Variants in SORCS2 observed in about 807,000 individuals in gnomAD.
The protein encoded by SORCS2 is sortilin related VPS10 domain containing receptor 2, also known as VPS10 domain-containing receptor SorCS2.
In SORCS2, 100 loss-of-function variants were observed where a neutral mutation model predicts 141.6. That is an observed-to-expected ratio of 0.71 (90% confidence interval 0.60 to 0.83). The LOEUF (loss-of-function observed/expected upper bound fraction) is 0.83. Ranked by LOEUF, SORCS2 falls within the 40% of genes least tolerant of loss-of-function variation. The pLI, the probability that SORCS2 is intolerant of heterozygous loss-of-function variation, is 0.00. For missense variants in SORCS2, 1,646 were observed against 1,560.2 expected, an observed-to-expected ratio of 1.05 and a Z score of -0.93; for synonymous variants, 789 against 676.9, an observed-to-expected ratio of 1.17 and a Z score of -2.57.
chr4:7,619,072 G>A (rs568990426), intron 3 of SORCS2, among the ~76,000 whole-genome samples: 2 of 152,276 alleles, frequency 1.3e-5, no homozygotes, highest in Admixed American at 6.5e-5. Flanking sequence ...CAGGTCCTGC[G>A]CCTGTGCTAC....
chr4:7,602,507 C>G (rs2108795284), intron 3 of SORCS2, among the ~76,000 whole-genome samples: 1 of 151,690 alleles, frequency 6.6e-6, no homozygotes, highest in African/African-American at 2.4e-5. Context: ...CTCCCCACAT[C>G]TCAGACGATG....
At position 7,699,295 on chromosome 4, in the gene SORCS2, C is replaced by T. The variant is rs369194581; in HGVS notation, c.1668+2021C>T. Among the ~76,000 whole-genome samples, 4 of 152,102 alleles carry T rather than the reference C, an allele frequency of 2.6e-5. No individual in the cohort carries two copies. In the East Asian group the frequency reaches 7.7e-4, roughly 29 times the overall value. On this transcript the variant is annotated intron_variant, in intron 12 of 26. Coordinates refer to ENST00000507866, the MANE Select transcript of SORCS2 (RefSeq NM_020777.3). ...CAGTGGGGTTTGGAAAACCCTGGAG[C>T]CACCTTTTCCCAGAGCCCCAAGCTA...
intron 3 of SORCS2, among the ~76,000 whole-genome samples, chr4:7,600,394 C>T (rs571611104): frequency 6.6e-5 from 10 of 152,228 alleles, no homozygotes; most frequent in East Asian, 1.9e-4. Context: ...ACATGCCAGG[C>T]GCTTGGCACG....
intron 1 of SORCS2, among the ~76,000 whole-genome samples, chr4:7,391,298 C>T (rs3894743): frequency 0.041 from 6,182 of 152,300 alleles, 271 homozygotes; most frequent in African/African-American, 0.1. Flanking sequence ...AGCCAGCCCC[C>T]TTTCCCCAGA....
At chr4:7,618,541 G>A (rs970244957) in intron 3 of SORCS2, among the ~76,000 whole-genome samples, 1 of 152,136 alleles carries the variant, frequency 6.6e-6, no homozygotes, top group African/African-American at 2.4e-5. Flanking sequence ...CCCCCAGCAC[G>A]TTCTGCTCGC....
intron 3 of SORCS2, among the ~76,000 whole-genome samples, chr4:7,576,576 C>T (rs1715765401): frequency 6.6e-6 from 1 of 152,146 alleles, no homozygotes; most frequent in African/African-American, 2.4e-5. Flanking sequence ...TAGGAGTTGG[C>T]TGGGAAAAGA....
chr4:7,657,003 T>G (rs145324280), intron 5 of SORCS2, among the ~76,000 whole-genome samples: 311 of 152,346 alleles, frequency 2.0e-3, no homozygotes, highest in African/African-American at 7.2e-3. Context: ...AAGCAAGAAG[T>G]CCTGTGTGTC....
At chr4:7,492,740 T>C (rs1197670755) in intron 2 of SORCS2, among the ~76,000 whole-genome samples, 1 of 152,190 alleles carries the variant, frequency 6.6e-6, no homozygotes, top group South Asian at 2.1e-4. Context: ...AAAATGTAAA[T>C]GAATGTTTTA....
rs141245448 is a variant in SORCS2 at position 7,646,543 on chromosome 4, C to T, written c.814-7591C>T. On this transcript the variant is annotated intron_variant, in intron 4 of 26. Transcript: ENST00000507866. Reference sequence around the variant, plus strand: ...CACTGATACTCCCAGGCAGGAGGATCGATTGAGCCCAGGAGTTTCAGGGCT... The same window carrying T: ...CACTGATACTCCCAGGCAGGAGGATTGATTGAGCCCAGGAGTTTCAGGGCT... 3.1e-3 allele frequency among the ~76,000 whole-genome samples: 469 copies of T among 152,100 alleles called. 1 individual carries two copies. The highest frequency in any genetic ancestry group is 4.9e-3 in the Non-Finnish European group (335 of 67,996).
chr4:7,267,788 C>T (rs1377587738), intron 1 of SORCS2, among the ~76,000 whole-genome samples: 2 of 152,134 alleles, frequency 1.3e-5, no homozygotes, highest in African/African-American at 2.4e-5. Context: ...GCCGAGATTG[C>T]GCCACTGCAC....
intron 3 of SORCS2, among the ~76,000 whole-genome samples, chr4:7,538,482 T>C (rs1193713452): frequency 6.6e-6 from 1 of 152,198 alleles, no homozygotes; most frequent in Admixed American, 6.5e-5. Context: ...CCAGAGGAGC[T>C]GGCCCAGGCA....
intron 4 of SORCS2, among the ~76,000 whole-genome samples, chr4:7,640,698 A>G (rs1720676569): frequency 6.6e-6 from 1 of 151,876 alleles, no homozygotes; most frequent in Non-Finnish European, 1.5e-5. Context: ...GGTTCTAAGG[A>G]TTAGGACATA....
intron 9 of SORCS2, among the ~76,000 whole-genome samples, chr4:7,680,060 C>T (rs1723420882): frequency 6.6e-6 from 1 of 152,240 alleles, no homozygotes; most frequent in African/African-American, 2.4e-5. Flanking sequence ...TGGGTGATGT[C>T]CCTGGGTCCC....
chr4:7,543,284 C>T (rs994877125), intron 3 of SORCS2, among the ~76,000 whole-genome samples: 2 of 152,154 alleles, frequency 1.3e-5, no homozygotes, highest in Non-Finnish European at 2.9e-5. Flanking sequence ...TGCATCCCTC[C>T]GTTCATCTGT....
chr4:7,606,848 A>T (rs1274918163), intron 3 of SORCS2, among the ~76,000 whole-genome samples: 2 of 152,084 alleles, frequency 1.3e-5, no homozygotes, highest in East Asian at 3.9e-4. Flanking sequence ...GGCAATTTTT[A>T]TAATAATGCA....
intron 8 of SORCS2, among the ~76,000 whole-genome samples, chr4:7,668,538 C>G (rs1722627277): frequency 6.6e-6 from 1 of 152,166 alleles, no homozygotes; most frequent in Non-Finnish European, 1.5e-5. Flanking sequence ...ATGTAAAGTG[C>G]TTGCACATGG....
intron 4 of SORCS2, among the ~76,000 whole-genome samples, chr4:7,644,449 A>T (rs1016729863): frequency 7.9e-5 from 12 of 152,170 alleles, no homozygotes; most frequent in African/African-American, 2.9e-4. Context: ...GGCAGGAAAA[A>T]GTCTCTGCCT....
chr4:7,493,071 G>A (rs1401693327), intron 2 of SORCS2, among the ~76,000 whole-genome samples: 1 of 152,224 alleles, frequency 6.6e-6, no homozygotes, highest in African/African-American at 2.4e-5. Context: ...CTGGGGTGTG[G>A]CCATGCTCCT....
chr4:7,715,101 TCCC>T, intron 16 of SORCS2, 79 bp from the exon 17 acceptor site: 1 of 1,574,436 alleles, frequency 6.4e-7, no homozygotes, highest in Non-Finnish European at 8.7e-7. Context: ...CCTTCTCAGC[TCCC>T]CCAGATTTCA....
Sources: allele counts gnomAD v4.1 joint callset (sites outside exome capture counted in the v4.1 genomes callset), GRCh38; gene constraint gnomAD v4.1.1; transcripts MANE v1.5; gene names NCBI Gene and HGNC (gene_info 2026-07-23, HGNC 2026-07-21).